The following SPATA17 variants were observed in gnomAD, a reference collection of about 807,000 sequenced individuals.
SPATA17 encodes the protein spermatogenesis associated 17.
Under a neutral mutation model 62.2 loss-of-function variants are expected in SPATA17, and 53 were observed. The ratio of observed to expected loss-of-function variants is 0.85; its 90% CI spans 0.68 to 1.07. The LOEUF (loss-of-function observed/expected upper bound fraction) is 1.07. Ranked by LOEUF, SPATA17 falls within the 50% of genes least tolerant of loss-of-function variation. SPATA17 has a pLI of 0.00. For missense variants in SPATA17, 466 were observed against 425.5 expected (o/e 1.10, Z -0.84); for synonymous variants, 146 against 146.8 (o/e 0.99, Z 0.04).
At chr1:217,756,180 C>G (rs1364683073) in intron 6 of SPATA17, among the ~76,000 whole-genome samples, 3 of 151,966 alleles carry the variant, frequency 2.0e-5, no homozygotes, top group African/African-American at 7.3e-5. Flanking sequence ...AGATACAAAA[C>G]AAGACAGGCA....
chr1:217,842,655 A>G (rs1291860414), intron 9 of SPATA17, among the ~76,000 whole-genome samples: 1 of 151,968 alleles, frequency 6.6e-6, no homozygotes, highest in Non-Finnish European at 1.5e-5. Flanking sequence ...GGATATTGAT[A>G]AATGTTGCTA....
chr1:217,842,472 T>C (rs996336465), intron 9 of SPATA17, among the ~76,000 whole-genome samples: 4 of 152,052 alleles, frequency 2.6e-5, no homozygotes, highest in Non-Finnish European at 5.9e-5. Flanking sequence ...GTTCTTTTAA[T>C]ACATAAAGGA....
chr1:217,637,407 A>G (rs1379584598), intron 1 of SPATA17, among the ~76,000 whole-genome samples: 2 of 152,170 alleles, frequency 1.3e-5, no homozygotes, highest in Admixed American at 6.5e-5. Context: ...CATCAAATAC[A>G]TAAGCCCTAA....
At chr1:217,725,267 G>A (rs1043065651) in intron 5 of SPATA17, among the ~76,000 whole-genome samples, 5 of 152,086 alleles carry the variant, frequency 3.3e-5, no homozygotes, top group African/African-American at 1.2e-4. Context: ...ATGTTCTCAA[G>A]TATATTTCTT....
intron 9 of SPATA17, among the ~76,000 whole-genome samples, chr1:217,832,561 T>C (rs1484020125): frequency 6.6e-6 from 1 of 152,170 alleles, no homozygotes; most frequent in Non-Finnish European, 1.5e-5. Context: ...GTAGCTACCA[T>C]ATTAATATAA....
At chr1:217,781,135 A>G (rs1401942195) in intron 7 of SPATA17, 1 of 152,114 alleles carries the variant, frequency 6.6e-6, no homozygotes, top group African/African-American at 2.4e-5. Flanking sequence ...ACGGTCCATG[A>G]CTTTTATGGT....
intron 5 of SPATA17, among the ~76,000 whole-genome samples, chr1:217,714,484 G>GTTTTTTTTTTTTTTTTTT (rs1456324571): frequency 6.5e-5 from 8 of 123,996 alleles, no homozygotes; most frequent in Admixed American, 7.6e-5. Flanking sequence ...TGGAAAACGT[G>GTTTTTTTTTTTTTTTTTT]TTTCTTTTTT....
At chr1:217,859,385 T>A (rs1289633312) in intron 9 of SPATA17, among the ~76,000 whole-genome samples, 2 of 151,298 alleles carry the variant, frequency 1.3e-5, no homozygotes, top group Non-Finnish European at 2.9e-5. Flanking sequence ...TATTTTATTA[T>A]TTTTTAAGAG....
At chr1:217,851,053 A>G (rs1007125818) in intron 9 of SPATA17, among the ~76,000 whole-genome samples, 2 of 152,190 alleles carry the variant, frequency 1.3e-5, no homozygotes, top group Non-Finnish European at 2.9e-5. Flanking sequence ...CTAAGAACTT[A>G]ATAAATATTT....
intron 6 of SPATA17, among the ~76,000 whole-genome samples, chr1:217,757,680 A>C (rs1487769852): frequency 6.6e-6 from 1 of 152,176 alleles, no homozygotes; most frequent in Non-Finnish European, 1.5e-5. Context: ...GAATGGTAGA[A>C]GCTTGTACAT....
chr1:217,729,712 C>T (rs904590855), intron 5 of SPATA17, among the ~76,000 whole-genome samples: 1 of 152,116 alleles, frequency 6.6e-6, no homozygotes. Flanking sequence ...GCCTTAAAAA[C>T]AGTCTGCCAT....
intron 9 of SPATA17, among the ~76,000 whole-genome samples, chr1:217,842,413 A>G (rs186679772): frequency 4.0e-4 from 61 of 152,106 alleles, no homozygotes; most frequent in Admixed American, 4.0e-3. Context: ...GGAAGAACTC[A>G]CTAGTGAGCC....
At chr1:217,668,878 C>G (rs947446403) in intron 3 of SPATA17, among the ~76,000 whole-genome samples, 155 bp from the exon 4 acceptor site, 2 of 152,098 alleles carry the variant, frequency 1.3e-5, no homozygotes, top group African/African-American at 4.8e-5. Flanking sequence ...TATTAGGAAG[C>G]CTATCTCTTC....
At chr1:217,709,594 C>T (rs1363520911) in intron 5 of SPATA17, among the ~76,000 whole-genome samples, 1 of 152,144 alleles carries the variant, frequency 6.6e-6, no homozygotes. Flanking sequence ...AGTGACATCC[C>T]ATCGCTTTTG....
chr1:217,869,671 C>G lies in SPATA17; in HGVS notation c.*2652C>G, dbSNP rs868032778. On this transcript the variant is annotated 3_prime_UTR_variant, in exon 11 of 11. Transcript: ENST00000366933. ...ATTGCTATGAAAAATCTTAAGATCT[C>G]TATTTTAATGTTAATGCTGGTCACT... 6.6e-6 allele frequency: 1 copy of G among 152,044 alleles called. No individual in the cohort carries two copies. The highest frequency in any genetic ancestry group is 1.5e-5 in the Non-Finnish European group (1 of 67,996). The allele number at this position is 152,044 out of a possible 1,614,324, so 9.4% of individuals were successfully genotyped here.
intron 6 of SPATA17, among the ~76,000 whole-genome samples, chr1:217,752,525 A>G (rs1323396631): frequency 6.6e-6 from 1 of 152,152 alleles, no homozygotes; most frequent in Non-Finnish European, 1.5e-5. Context: ...ATATTGTTAT[A>G]CTTTCTGAAG....
At chr1:217,702,146 CAT>C (rs1215083013) in intron 5 of SPATA17, among the ~76,000 whole-genome samples, 3 of 151,948 alleles carry the variant, frequency 2.0e-5, no homozygotes, top group South Asian at 2.1e-4. Context: ...TATCTTGTCA[CAT>C]GTTTAAGTGT....
intron 9 of SPATA17, among the ~76,000 whole-genome samples, chr1:217,845,856 G>T (rs907202184): frequency 6.6e-6 from 1 of 152,032 alleles, no homozygotes; most frequent in African/African-American, 2.4e-5. Flanking sequence ...CCATAAACAT[G>T]TAGACATTAG....
intron 8 of SPATA17, among the ~76,000 whole-genome samples, chr1:217,790,451 T>A (rs1673969217): frequency 6.6e-6 from 1 of 152,154 alleles, no homozygotes; most frequent in South Asian, 2.1e-4. Context: ...CACTTTTATT[T>A]TTTTTTTGAG....
Sources: gnomAD v4.1 joint callset for allele counts (sites outside exome capture counted in the v4.1 genomes callset) on GRCh38, gnomAD v4.1.1 for gene constraint, MANE v1.5 for transcripts, NCBI Gene and HGNC (gene_info 2026-07-23, HGNC 2026-07-21) for gene names.